Variants in WWOX observed in about 807,000 individuals in gnomAD.
WWOX encodes the protein WW domain-containing oxidoreductase.
WWOX carries 69 observed loss-of-function variants against 46.2 expected under a neutral mutation model. That is an observed-to-expected ratio of 1.49 (90% CI 1.23 to 1.82). The LOEUF (loss-of-function observed/expected upper bound fraction) is 1.82. Ranked by LOEUF, WWOX falls within the 40% of genes most tolerant of loss-of-function variation. The pLI is 0.00. For synonymous variants in WWOX, 359 were observed against 202.6 expected, an observed-to-expected ratio of 1.77 and a Z score of -6.56; for missense variants, 919 against 542.6, an observed-to-expected ratio of 1.69 and a Z score of -6.89.
In WWOX at chr16:78,312,381, C is replaced by CTTTTTTTTTTTTT. The variant is rs561304972; in HGVS notation, c.517-74478_517-74466dup. Among the ~76,000 whole-genome samples the CTTTTTTTTTTTTT allele has an allele frequency of 3.6e-3, 473 of 132,766 alleles. 9 individuals carry two copies. Among genetic ancestry groups the CTTTTTTTTTTTTT allele is most frequent in the Non-Finnish European group, 5.5e-3 (350 of 63,884 alleles). 87.1% of individuals were successfully genotyped at this position (132,766 alleles called of 152,430 possible). On this transcript the variant is annotated intron_variant, in intron 5 of 8. Transcript: ENST00000566780. Reference sequence around the variant, plus strand: ...GCCAGCTGGAGTTGTAGGTCTAATTCTTTTTTTTTTTTTAAGACGGAGTTG... The same window carrying CTTTTTTTTTTTTT: ...GCCAGCTGGAGTTGTAGGTCTAATTCTTTTTTTTTTTTTTTTTTTTTTTTTTAAGACGGAGTTG...
intron 8 of WWOX, among the ~76,000 whole-genome samples, chr16:78,773,879 C>T (rs1359489437): frequency 1.3e-5 from 2 of 152,156 alleles, no homozygotes; most frequent in African/African-American, 2.4e-5. Flanking sequence ...TGGCATCATT[C>T]GCATACTTGT....
At chr16:79,203,529 G>A (rs1385690689) in intron 8 of WWOX, 1 of 149,316 alleles carries the variant, frequency 6.7e-6, no homozygotes, top group Non-Finnish European at 1.5e-5. Flanking sequence ...TGCTTTTTCA[G>A]GACTATGTTA....
intron 8 of WWOX, among the ~76,000 whole-genome samples, chr16:78,807,607 C>T (rs1004389366): frequency 1.3e-5 from 2 of 152,198 alleles, no homozygotes; most frequent in Non-Finnish European, 2.9e-5. Flanking sequence ...CAGTCAATTT[C>T]ATCTAGGAGC....
chr16:78,786,500 GATTT>G (rs1458929849), intron 8 of WWOX, among the ~76,000 whole-genome samples: 1 of 152,138 alleles, frequency 6.6e-6, no homozygotes, highest in Non-Finnish European at 1.5e-5. Context: ...TTTTTAGTAT[GATTT>G]ATTTAATAGT....
chr16:78,817,061 T>C lies in WWOX; in HGVS notation c.1056+384309T>C, dbSNP rs183067188. On this transcript the variant is annotated intron_variant, in intron 8 of 8. Transcript: ENST00000566780. ...ACAGTCTGAAGTACGTTTGTGGAAATACAAAGGTCAAACCTTCCCCTAACC... is the reference window on the plus strand; with the variant it reads ...ACAGTCTGAAGTACGTTTGTGGAAACACAAAGGTCAAACCTTCCCCTAACC... 1.9e-3 allele frequency among the ~76,000 whole-genome samples: 292 copies of C among 151,278 alleles called. 2 individuals carry two copies. Among genetic ancestry groups the C allele is most frequent in the African/African-American group, 6.9e-3 (284 of 41,224 alleles).
intron 8 of WWOX, among the ~76,000 whole-genome samples, chr16:78,935,696 G>A (rs2045722561): frequency 6.6e-6 from 1 of 151,946 alleles, no homozygotes; most frequent in Admixed American, 6.6e-5. Context: ...CATGGCACAT[G>A]TATACTTATG....
intron 8 of WWOX, among the ~76,000 whole-genome samples, chr16:78,738,539 A>C (rs1328248452): frequency 6.6e-6 from 1 of 152,162 alleles, no homozygotes; most frequent in African/African-American, 2.4e-5. Context: ...ATATATCTGT[A>C]TTTTTCTCAC....
At chr16:79,040,170 T>G (rs116421735) in intron 8 of WWOX, among the ~76,000 whole-genome samples, 1,788 of 152,226 alleles carry the variant, frequency 0.012, 27 homozygotes, top group African/African-American at 0.041. Context: ...AAAGAGCCCT[T>G]GGAAAATGAT....
intron 8 of WWOX, among the ~76,000 whole-genome samples, chr16:78,888,610 A>T (rs2044518825): frequency 6.6e-6 from 1 of 152,124 alleles, no homozygotes; most frequent in South Asian, 2.1e-4. Context: ...ATGAGGACTT[A>T]AATGTGTCCC....
At chr16:78,966,329 T>C (rs143973882) in intron 8 of WWOX, among the ~76,000 whole-genome samples, 134 of 152,308 alleles carry the variant, frequency 8.8e-4, no homozygotes, top group African/African-American at 2.9e-3. Context: ...AAAACAGTGC[T>C]TCTTTCCGTT....
intron 5 of WWOX, among the ~76,000 whole-genome samples, chr16:78,334,960 C>T (rs1475045139): frequency 6.7e-6 from 1 of 149,596 alleles, no homozygotes; most frequent in South Asian, 2.1e-4. Flanking sequence ...GTGAGATGGG[C>T]GTTTATTATG....
chr16:78,848,005 A>T (rs546419688), intron 8 of WWOX, among the ~76,000 whole-genome samples: 1 of 152,252 alleles, frequency 6.6e-6, no homozygotes, highest in South Asian at 2.1e-4. Context: ...GCCCCAGCTG[A>T]TAGCCTGTCG....
chr16:78,634,891 C>T (rs986261421), intron 8 of WWOX, among the ~76,000 whole-genome samples: 9 of 147,628 alleles, frequency 6.1e-5, no homozygotes, highest in Non-Finnish European at 1.0e-4. Flanking sequence ...CATGTGTATA[C>T]GCTGGTGTTT....
In WWOX at chr16:78,655,269, C is replaced by G. The variant is rs188030872; in HGVS notation, c.1056+222517C>G. On this transcript the variant is annotated intron_variant, in intron 8 of 8. Coordinates refer to ENST00000566780, the MANE Select transcript of WWOX (RefSeq NM_016373.4). The stretch of plus-strand genomic sequence containing the variant: ...TTCTCAGGGTGGTGGGGCGTGGGCA[C>G]TAATTTGATTTGATCACTTAGAGAC... Among the ~76,000 whole-genome samples the G allele has an allele frequency of 8.5e-5, 13 of 152,214 alleles. No homozygotes were observed. The East Asian group carries it at 9.7e-4, about 11-fold the overall frequency.
intron 8 of WWOX, among the ~76,000 whole-genome samples, chr16:78,988,083 C>A (rs982760894): frequency 2.6e-5 from 4 of 151,772 alleles, no homozygotes; most frequent in Middle Eastern, 3.2e-3. Context: ...TGGGTCACGC[C>A]TGTAATACCA....
intron 8 of WWOX, among the ~76,000 whole-genome samples, chr16:78,740,998 C>T (rs1258622429): frequency 6.6e-6 from 1 of 152,142 alleles, no homozygotes; most frequent in Non-Finnish European, 1.5e-5. Context: ...CCATGGGTCT[C>T]CTAAGTGGGA....
At chr16:78,714,303 G>A (rs1567509930) in intron 8 of WWOX, among the ~76,000 whole-genome samples, 1 of 152,094 alleles carries the variant, frequency 6.6e-6, no homozygotes, top group Non-Finnish European at 1.5e-5. Flanking sequence ...CATGGCGGAA[G>A]GCAAAGGAGG....
rs374509055 is a variant in WWOX, at chr16:78,916,554, T to C, written c.1057-295054T>C. 1.8e-3 allele frequency among the ~76,000 whole-genome samples: 272 copies of C among 152,330 alleles called. 5 individuals are homozygous for C. The South Asian group carries it at 0.02, about 11-fold the overall frequency. On this transcript the variant is annotated intron_variant, in intron 8 of 8. Coordinates refer to ENST00000566780, the MANE Select transcript of WWOX (RefSeq NM_016373.4). ...AATTTACCATCCAATGGATTTTGAA[T>C]ACTTCTGAGAGAGAAATGAGATACT... is the stretch of plus-strand genomic sequence containing the variant.
chr16:79,003,515 A>G (rs1233200048), intron 8 of WWOX, among the ~76,000 whole-genome samples: 1 of 152,092 alleles, frequency 6.6e-6, no homozygotes, highest in East Asian at 1.9e-4. Context: ...AGGACTCTGG[A>G]TAGGGTTTGG....
Sources: gnomAD v4.1 joint callset for allele counts (sites outside exome capture counted in the v4.1 genomes callset) on GRCh38, gnomAD v4.1.1 for gene constraint, MANE v1.5 for transcripts, NCBI Gene and HGNC (gene_info 2026-07-23, HGNC 2026-07-21) for gene names.